NAV3: variants seen among roughly 807,000 people sequenced by gnomAD.
NAV3 encodes the protein pore membrane and/or filament interacting like protein 1.
In NAV3, 87 loss-of-function variants were observed where a neutral mutation model predicts 244.7. The ratio of observed to expected loss-of-function variants is 0.36; its 90% CI spans 0.30 to 0.42. The LOEUF (loss-of-function observed/expected upper bound fraction) is 0.42, where lower values mean the gene tolerates loss of function less well. NAV3 is among the 20% of genes least tolerant of loss of function. The probability of loss-of-function intolerance (pLI) is 1.00; values close to 1 mark genes in which losing one functional copy is unlikely to be tolerated. For missense variants in NAV3, 2,663 were observed against 2,893.3 expected, an observed-to-expected ratio of 0.92 and a Z score of 1.83; for synonymous variants, 1,126 against 1,042.2, an observed-to-expected ratio of 1.08 and a Z score of -1.55.
intron 8 of NAV3, among the ~76,000 whole-genome samples, chr12:78,015,334 A>G (rs1006127724): frequency 6.6e-6 from 1 of 152,092 alleles, no homozygotes; most frequent in Non-Finnish European, 1.5e-5. Flanking sequence ...TATTGCACCT[A>G]GTAGCTGTCA....
intron 2 of NAV3, among the ~76,000 whole-genome samples, chr12:77,675,972 C>A (rs770522402): frequency 2.6e-4 from 39 of 152,172 alleles, no homozygotes; most frequent in Non-Finnish European, 5.0e-4. Flanking sequence ...CTCTCTACTG[C>A]ATTTGGCCCT....
chr12:77,731,181 A>G (rs1382512086), intron 2 of NAV3, among the ~76,000 whole-genome samples: 1 of 151,964 alleles, frequency 6.6e-6, no homozygotes, highest in Admixed American at 6.6e-5. Context: ...CAGAACAATG[A>G]AGTTGAAGAA....
intron 1 of NAV3, among the ~76,000 whole-genome samples, chr12:77,860,968 G>C (rs534287514): frequency 3.3e-5 from 5 of 151,918 alleles, no homozygotes; most frequent in Non-Finnish European, 7.4e-5. Context: ...GTGTATGTCT[G>C]TCTGTGGAAA....
intron 12 of NAV3, among the ~76,000 whole-genome samples, chr12:78,071,470 G>A (rs1452614857): frequency 3.3e-5 from 5 of 151,902 alleles, no homozygotes; most frequent in African/African-American, 9.7e-5. Context: ...TGTCAGATGA[G>A]TAGGTTGCGA....
At chr12:78,131,667 G>A (rs1288544899) in intron 18 of NAV3, among the ~76,000 whole-genome samples, 10 of 151,882 alleles carry the variant, frequency 6.6e-5, no homozygotes, top group African/African-American at 2.4e-4. Flanking sequence ...TATTCCTTAG[G>A]AACAAAAAGA....
intron 12 of NAV3, among the ~76,000 whole-genome samples, chr12:78,075,174 C>T (rs978145370): frequency 6.6e-6 from 1 of 151,990 alleles, no homozygotes; most frequent in African/African-American, 2.4e-5. Context: ...TCATTGTAAG[C>T]AGTACAGATA....
intron 1 of NAV3, among the ~76,000 whole-genome samples, chr12:77,886,188 G>T (rs201269319): frequency 3.3e-5 from 5 of 152,052 alleles, no homozygotes; most frequent in African/African-American, 4.8e-5. Context: ...TAGCCGCAGG[G>T]TTAAGCACTA....
At chr12:77,859,906 C>T (rs919954809) in intron 1 of NAV3, among the ~76,000 whole-genome samples, 7 of 151,634 alleles carry the variant, frequency 4.6e-5, no homozygotes, top group Non-Finnish European at 8.8e-5. Flanking sequence ...TTCTCCTTAT[C>T]ACACCATCAC....
At chr12:77,708,125 T>C (rs1422127232) in intron 2 of NAV3, among the ~76,000 whole-genome samples, 2 of 152,358 alleles carry the variant, frequency 1.3e-5, no homozygotes, top group East Asian at 3.9e-4. Flanking sequence ...AGACATGAAG[T>C]CCTTGCCCAT....
intron 1 of NAV3, among the ~76,000 whole-genome samples, chr12:77,929,759 A>G (rs1429434195): frequency 6.7e-6 from 1 of 149,788 alleles, no homozygotes; most frequent in South Asian, 2.1e-4. Context: ...CAGCCTCCCA[A>G]GTAGCTGAGA....
chr12:78,031,048 A>G (rs1878894495), intron 9 of NAV3, among the ~76,000 whole-genome samples: 1 of 152,206 alleles, frequency 6.6e-6, no homozygotes, highest in Non-Finnish European at 1.5e-5. Context: ...TCAGTGAGGA[A>G]TAATTCTGCT....
intron 9 of NAV3, among the ~76,000 whole-genome samples, chr12:78,024,706 G>C (rs567733912): frequency 6.6e-6 from 1 of 152,028 alleles, no homozygotes; most frequent in Non-Finnish European, 1.5e-5. Context: ...GGCCGGGTGC[G>C]GTGTCTCACA....
At position 77,929,818 on chromosome 12, in the gene NAV3, T is replaced by TTG. The variant is rs1271046766; in HGVS notation, c.244-10500_244-10499insGT. ...CAGCTATTTTTTTTTTTTTTTTTTT[T>TTG]TTGTATTTTTAGTAGCAATGAGGTT... On this transcript the variant is annotated intron_variant, in intron 1 of 39. Coordinates refer to ENST00000397909, the MANE Select transcript of NAV3 (RefSeq NM_001024383.2). 4.0e-5 allele frequency among the ~76,000 whole-genome samples: 5 copies of TTG among 126,258 alleles called. No individual in the cohort carries two copies. In the East Asian group the frequency reaches 1.1e-3, roughly 29 times the overall value. 82.8% of individuals were successfully genotyped at this position (126,258 alleles called of 152,430 possible).
At position 78,175,381 on chromosome 12, in the gene NAV3, G is replaced by T. The variant is rs778819125; in HGVS notation, c.5057G>T (p.Gly1686Val). The change falls in exon 25 of 40, where the codon GGC (glycine) becomes GTC (valine). Residue 1686 changes from glycine (G) to valine (V), a missense_variant. Transcript: ENST00000397909. ...INSATSHSSIGSGNDADSKKK... is the reference protein window; with the variant it reads ...INSATSHSSIVSGNDADSKKK... ...AGTGCCACAAGCCATTCCAGTATTG[G>T]CAGTGGTAATGATGCCGACTCCAAG... 1 of 1,611,550 alleles carries T rather than the reference G, an allele frequency of 6.2e-7. No individual in the cohort carries two copies.
intron 2 of NAV3, among the ~76,000 whole-genome samples, chr12:77,753,575 G>A (rs980024355): frequency 6.6e-6 from 1 of 152,098 alleles, no homozygotes; most frequent in African/African-American, 2.4e-5. Context: ...GTTTTTACTA[G>A]TTAGGTCATA....
At chr12:77,750,658 A>G (rs1299962614) in intron 2 of NAV3, among the ~76,000 whole-genome samples, 1 of 152,172 alleles carries the variant, frequency 6.6e-6, no homozygotes, top group African/African-American at 2.4e-5. Flanking sequence ...TGTAAAGCAA[A>G]TGGATCTCAG....
At chr12:77,644,736 T>G (rs1383167818) in intron 2 of NAV3, among the ~76,000 whole-genome samples, 1 of 152,124 alleles carries the variant, frequency 6.6e-6, no homozygotes, top group South Asian at 2.1e-4. Context: ...AATCATTGTT[T>G]AAAGCCATTT....
At chr12:77,764,110 T>A (rs1468716418) in intron 2 of NAV3, among the ~76,000 whole-genome samples, 4 of 152,222 alleles carry the variant, frequency 2.6e-5, no homozygotes, top group Non-Finnish European at 4.4e-5. Flanking sequence ...CTCAACTTCT[T>A]TATTCCCACA....
At position 77,831,195 on chromosome 12, in the gene NAV3, CAGAGAGAGAGAGAGAG is replaced by C; in HGVS notation, c.-259_-244del. 1 of 142,694 alleles carries C rather than the reference CAGAGAGAGAGAGAGAG, an allele frequency of 7.0e-6. No individual in the cohort carries two copies. Among genetic ancestry groups the C allele is most frequent in the Non-Finnish European group, 1.5e-5 (1 of 68,900 alleles). 8.8% of individuals were successfully genotyped at this position (142,694 alleles called of 1,614,324 possible). On this transcript the variant is annotated 5_prime_UTR_variant, in exon 1 of 40. Coordinates refer to ENST00000397909, the MANE Select transcript of NAV3 (RefSeq NM_001024383.2). ...AGAGAGAGAGAGAGAGAGAGAGAGA[CAGAGAGAGAGAGAGAG>C]AGAGAGAAAGAGAGAGAGAGAGAGA...
Sources: gnomAD v4.1 joint callset for allele counts (sites outside exome capture counted in the v4.1 genomes callset) on GRCh38, gnomAD v4.1.1 for gene constraint, MANE v1.5 for transcripts, NCBI Gene and HGNC (gene_info 2026-07-23, HGNC 2026-07-21) for gene names.